RIT2: variants seen among roughly 807,000 people sequenced by gnomAD.
RIT2 encodes GTP-binding protein Rit2.
In RIT2, 24 loss-of-function variants were observed where a neutral mutation model predicts 23.7. That is an observed-to-expected ratio of 1.01 (90% CI 0.73 to 1.43). The LOEUF is 1.43. Ranked by LOEUF, RIT2 falls within the 40% of genes most tolerant of loss-of-function variation. RIT2 has a pLI of 0.00. For missense variants in RIT2, 236 were observed against 266.9 expected, an observed-to-expected ratio of 0.88 and a Z score of 0.81; for synonymous variants, 107 against 91.1, an observed-to-expected ratio of 1.17 and a Z score of -0.99.
chr18:43,015,368 C>T (rs933883770), intron 2 of RIT2, among the ~76,000 whole-genome samples: 33 of 151,428 alleles, frequency 2.2e-4, no homozygotes, highest in African/African-American at 7.5e-4. Flanking sequence ...ACAAGAGGAA[C>T]AATTTGGATA....
At chr18:43,114,260 G>T (rs897063390) in intron 1 of RIT2, among the ~76,000 whole-genome samples, 1 of 151,912 alleles carries the variant, frequency 6.6e-6, no homozygotes, top group Non-Finnish European at 1.5e-5. Context: ...ATTCTCTTTT[G>T]TAGGGTGAGG....
At chr18:43,105,625 T>G (rs1913805405) in intron 1 of RIT2, among the ~76,000 whole-genome samples, 1 of 152,178 alleles carries the variant, frequency 6.6e-6, no homozygotes, top group Non-Finnish European at 1.5e-5. Context: ...ATATTTTAAT[T>G]AAAGCCCTTA....
intron 2 of RIT2, among the ~76,000 whole-genome samples, chr18:42,985,499 C>T (rs1408513334): frequency 6.6e-6 from 1 of 152,060 alleles, no homozygotes; most frequent in Non-Finnish European, 1.5e-5. Flanking sequence ...TGTATTAAGA[C>T]TTACTGTTAA....
chr18:42,802,542 G>A (rs1446182832), intron 4 of RIT2, among the ~76,000 whole-genome samples: 1 of 152,094 alleles, frequency 6.6e-6, no homozygotes, highest in Non-Finnish European at 1.5e-5. Context: ...ATCATTTCCT[G>A]TTTGCACATT....
At chr18:42,847,930 G>T (rs1350537002) in intron 4 of RIT2, among the ~76,000 whole-genome samples, 1 of 150,786 alleles carries the variant, frequency 6.6e-6, no homozygotes, top group East Asian at 1.9e-4. Flanking sequence ...GCTACTAGAT[G>T]ATAAATCTAA....
At chr18:42,941,986 T>C (rs948472627) in intron 3 of RIT2, among the ~76,000 whole-genome samples, 1 of 152,084 alleles carries the variant, frequency 6.6e-6, no homozygotes, top group Admixed American at 6.6e-5. Flanking sequence ...TCATTTCCAT[T>C]ATAGCAGTTT....
intron 4 of RIT2, among the ~76,000 whole-genome samples, chr18:42,801,830 T>G (rs769607161): frequency 6.6e-6 from 1 of 152,206 alleles, no homozygotes; most frequent in African/African-American, 2.4e-5. Context: ...CCCATGATGC[T>G]GTTTTACAAT....
intron 3 of RIT2, among the ~76,000 whole-genome samples, chr18:42,929,942 C>T (rs891738616): frequency 1.5e-4 from 23 of 152,088 alleles, no homozygotes; most frequent in Non-Finnish European, 3.4e-4. Context: ...GAACATAGGC[C>T]TGCGCAAAGA....
intron 4 of RIT2, among the ~76,000 whole-genome samples, chr18:42,820,091 T>G (rs1201235759): frequency 3.9e-5 from 6 of 152,170 alleles, no homozygotes; most frequent in African/African-American, 1.4e-4. Context: ...GTTTCGCTTT[T>G]TGGAACTTCT....
chr18:42,767,463 C>T (rs1913451639), intron 4 of RIT2, among the ~76,000 whole-genome samples: 1 of 152,174 alleles, frequency 6.6e-6, no homozygotes, highest in Admixed American at 6.5e-5. Context: ...TTTACCAATA[C>T]CTGTACCCCT....
chr18:42,869,178 GGGTAT>G (rs1907551400), intron 4 of RIT2, among the ~76,000 whole-genome samples: 1 of 152,204 alleles, frequency 6.6e-6, no homozygotes, highest in African/African-American at 2.4e-5. Flanking sequence ...GGATGGTGGT[GGGTAT>G]GGTTTCAGGA....
intron 4 of RIT2, among the ~76,000 whole-genome samples, chr18:42,782,758 C>G (rs1913840088): frequency 6.6e-6 from 1 of 152,044 alleles, no homozygotes; most frequent in African/African-American, 2.4e-5. Context: ...TTAATGTGGC[C>G]TAGAATCCCC....
At chr18:43,088,923 G>A (rs542624010) in intron 1 of RIT2, among the ~76,000 whole-genome samples, 1 of 152,172 alleles carries the variant, frequency 6.6e-6, no homozygotes, top group East Asian at 1.9e-4. Context: ...TTTTATCATT[G>A]ATTATTTTGG....
chr18:43,065,894 G>A (rs1373246122), intron 1 of RIT2, among the ~76,000 whole-genome samples: 1 of 152,036 alleles, frequency 6.6e-6, no homozygotes, highest in Non-Finnish European at 1.5e-5. Flanking sequence ...CATGTAGTTG[G>A]GGTAGAAAAA....
intron 1 of RIT2, among the ~76,000 whole-genome samples, chr18:43,100,199 T>C (rs1568082293): frequency 6.6e-6 from 1 of 152,082 alleles, no homozygotes; most frequent in African/African-American, 2.4e-5. Context: ...GACAGGTCCA[T>C]TGATGCGACA....
chr18:42,821,651 C>T (rs994805060), intron 4 of RIT2, among the ~76,000 whole-genome samples: 9 of 152,120 alleles, frequency 5.9e-5, no homozygotes, highest in Admixed American at 6.6e-5. Context: ...AATTACTCAG[C>T]TTAAAATGTC....
chr18:42,915,258 G>T (rs573573113), intron 4 of RIT2, among the ~76,000 whole-genome samples: 1 of 151,992 alleles, frequency 6.6e-6, no homozygotes, highest in Admixed American at 6.6e-5. Context: ...AAATGTTAGG[G>T]TTTGGGCAGG....
chr18:42,955,009 G>A (rs2144178377), intron 3 of RIT2, among the ~76,000 whole-genome samples: 1 of 152,276 alleles, frequency 6.6e-6, no homozygotes, highest in South Asian at 2.1e-4. Context: ...AGCTTTGGGA[G>A]GTCAGGAGGA....
At chr18:42,824,861 C>CTT (rs1906251958) in intron 4 of RIT2, among the ~76,000 whole-genome samples, 1 of 151,672 alleles carries the variant, frequency 6.6e-6, no homozygotes, top group South Asian at 2.1e-4. Context: ...ACTATCAAGA[C>CTT]TTTATTGATA....
Sources: gnomAD v4.1 joint callset for allele counts (sites outside exome capture counted in the v4.1 genomes callset) on GRCh38, gnomAD v4.1.1 for gene constraint, MANE v1.5 for transcripts, NCBI Gene and HGNC (gene_info 2026-07-23, HGNC 2026-07-21) for gene names.